Variants in ANKRD55 observed in about 807,000 individuals in gnomAD.
ANKRD55 encodes ankyrin repeat domain-containing protein 55.
A neutral mutation model predicts 60.6 loss-of-function variants in ANKRD55; 41 were observed. The ratio of observed to expected loss-of-function variants is 0.68; its 90% CI spans 0.53 to 0.88. The LOEUF is 0.88. Ranked by LOEUF, ANKRD55 falls within the 40% of genes least tolerant of loss-of-function variation. The pLI, the probability that ANKRD55 is intolerant of heterozygous loss-of-function variation, is 0.00. For missense variants in ANKRD55, 732 were observed against 767.6 expected (o/e 0.95, Z 0.55); for synonymous variants, 264 against 290.3 (o/e 0.91, Z 0.92).
In ANKRD55 at chr5:56,123,032, C is replaced by T. The variant is rs187016368; in HGVS notation, c.797+3890G>A. Among the ~76,000 whole-genome samples, 257 of 152,200 alleles carry T rather than the reference C, an allele frequency of 1.7e-3. 2 individuals are homozygous for T. The highest frequency in any genetic ancestry group is 4.6e-3 in the Admixed American group (71 of 15,296). On this transcript the variant is annotated intron_variant, in intron 8 of 11. Transcript: ENST00000341048. ...TCATCTGCCTCAGCCTCCCAAAGTGCTGGGATTACAGGTGTGAGCCTGGCC... is the reference window on the plus strand; with the variant it reads ...TCATCTGCCTCAGCCTCCCAAAGTGTTGGGATTACAGGTGTGAGCCTGGCC...
At chr5:56,172,839 CTTG>C (rs1758639977) in intron 4 of ANKRD55, among the ~76,000 whole-genome samples, 1 of 152,172 alleles carries the variant, frequency 6.6e-6, no homozygotes. Context: ...TTGGGTCCTT[CTTG>C]TTGTATCCAA....
intron 8 of ANKRD55, among the ~76,000 whole-genome samples, chr5:56,120,183 C>T (rs1298525288): frequency 6.6e-6 from 1 of 151,988 alleles, no homozygotes; most frequent in Non-Finnish European, 1.5e-5. Context: ...ATTACAGGCA[C>T]GGGCCACCAC....
At chr5:56,116,807 A>G (rs1233169162) in intron 8 of ANKRD55, 25 bp from the exon 9 acceptor site, 1 of 1,571,318 alleles carries the variant, frequency 6.4e-7, no homozygotes, top group Admixed American at 1.9e-5. Context: ...TGAAAAAAGC[A>G]CAAGCGTCTG....
At chr5:56,161,424 A>G (rs998774507) in intron 5 of ANKRD55, among the ~76,000 whole-genome samples, 2 of 152,238 alleles carry the variant, frequency 1.3e-5, no homozygotes, top group Non-Finnish European at 2.9e-5. Context: ...CTCTTCTCCA[A>G]TCAAATCTTT....
chr5:56,217,890 C>T lies in ANKRD55; in HGVS notation c.58+14966G>A, dbSNP rs376023562. Among the ~76,000 whole-genome samples, 138 of 146,696 alleles carry T rather than the reference C, an allele frequency of 9.4e-4. 3 individuals are homozygous for T. The Middle Eastern group carries it at 0.028, about 30-fold the overall frequency. On this transcript the variant is annotated intron_variant, in intron 2 of 11. Coordinates refer to ENST00000341048, the MANE Select transcript of ANKRD55 (RefSeq NM_024669.3). ...CAGCCTGGGTGACAGAGCGAGACTC[C>T]GTCTCAAAAAAAAAAAAAAAAAATT...
At chr5:56,164,794 G>C (rs1169463885) in intron 5 of ANKRD55, among the ~76,000 whole-genome samples, 1 of 152,170 alleles carries the variant, frequency 6.6e-6, no homozygotes. Flanking sequence ...AGAAGCAGAG[G>C]GTTCAAAGTA....
At chr5:56,212,147 T>G (rs1759691182) in intron 2 of ANKRD55, among the ~76,000 whole-genome samples, 1 of 151,874 alleles carries the variant, frequency 6.6e-6, no homozygotes. Context: ...CAAATTAAAT[T>G]CTACTGGATC....
chr5:56,112,511 A>AAAAAAC lies in ANKRD55; in HGVS notation c.966-730_966-729insGTTTTT, dbSNP rs1554036586. ...GCAGGATCTCATCTCTAGCAAAAAA[A>AAAAAAC]AAAAAAAAAAACAACCAAGGAAAGA... is the stretch of plus-strand genomic sequence containing the variant. On this transcript the variant is annotated intron_variant, in intron 9 of 11. Coordinates refer to ENST00000341048, the MANE Select transcript of ANKRD55 (RefSeq NM_024669.3). Among the ~76,000 whole-genome samples, 112 of 81,456 alleles carry AAAAAAC rather than the reference A, an allele frequency of 1.4e-3. 1 individual carries two copies. The highest frequency in any genetic ancestry group is 2.8e-3 in the African/African-American group (51 of 18,512). 53.4% of individuals were successfully genotyped at this position (81,456 alleles called of 152,430 possible). A position where few individuals can be genotyped will look rare whatever the true frequency, so the allele number is the denominator to read the frequency against.
chr5:56,145,827 A>C (rs1188615633), intron 6 of ANKRD55, among the ~76,000 whole-genome samples: 1 of 152,222 alleles, frequency 6.6e-6, no homozygotes, highest in East Asian at 1.9e-4. Flanking sequence ...GATACTCTTG[A>C]GGATATTTCA....
At chr5:56,202,433 T>C (rs1340168865) in intron 2 of ANKRD55, among the ~76,000 whole-genome samples, 6 of 152,234 alleles carry the variant, frequency 3.9e-5, no homozygotes, top group African/African-American at 1.4e-4. Context: ...TGCAGCAGGC[T>C]GTAGTAATTT....
chr5:56,133,168 C>T (rs1757470507), intron 7 of ANKRD55, among the ~76,000 whole-genome samples: 2 of 152,166 alleles, frequency 1.3e-5, no homozygotes, highest in African/African-American at 2.4e-5. Context: ...TGGCCGGGCA[C>T]GATGGCTCAT....
Position 56,116,077 on chromosome 5 carries a change from A to T in ANKRD55, c.965+538T>A, listed in dbSNP as rs545794536. Among the ~76,000 whole-genome samples, 103 of 151,882 alleles carry T rather than the reference A, an allele frequency of 6.8e-4. 3 individuals carry two copies. In the South Asian group the frequency reaches 0.019, roughly 28 times the overall value. ...ACCATGTTGGCCAGGCTGGTCTCGA[A>T]CTCCTGACCTCAGGTGATCCACCTG... On this transcript the variant is annotated intron_variant, in intron 9 of 11. Transcript: ENST00000341048.
rs1178435620 is a variant in ANKRD55, at chr5:56,134,268, C to T, written c.613-7162G>A. Among the ~76,000 whole-genome samples the T allele has an allele frequency of 1.7e-5, 2 of 115,332 alleles. 1 individual carries two copies. Among genetic ancestry groups the T allele is most frequent in the African/African-American group, 5.6e-5 (2 of 35,564 alleles). 75.7% of individuals were successfully genotyped at this position (115,332 alleles called of 152,430 possible). A position where few individuals can be genotyped will look rare whatever the true frequency, so the allele number is the denominator to read the frequency against. On this transcript the variant is annotated intron_variant, in intron 7 of 11. Coordinates refer to ENST00000341048, the MANE Select transcript of ANKRD55 (RefSeq NM_024669.3). ...CAAGGAGAAATAGATAATCTGAATA[C>T]GTTTATGTCTATTAAAGAAACTGAA...
intron 7 of ANKRD55, among the ~76,000 whole-genome samples, chr5:56,128,330 ACTCG>A (rs1757329169): frequency 6.6e-6 from 1 of 152,008 alleles, no homozygotes; most frequent in East Asian, 1.9e-4. Flanking sequence ...AAAACCCCAC[ACTCG>A]TACTCTCTTC....
At chr5:56,121,226 T>C (rs1166306886) in intron 8 of ANKRD55, among the ~76,000 whole-genome samples, 1 of 152,146 alleles carries the variant, frequency 6.6e-6, no homozygotes, top group African/African-American at 2.4e-5. Flanking sequence ...GGTGGGGGGC[T>C]TTAAAAGACG....
At chr5:56,162,167 T>TCTGCTC in intron 5 of ANKRD55, 1 of 323,344 alleles carries the variant, frequency 3.1e-6, no homozygotes, top group Non-Finnish European at 4.4e-6. Context: ...AGATTATCTG[T>TCTGCTC]AGCCAGACAG....
intron 7 of ANKRD55, among the ~76,000 whole-genome samples, chr5:56,138,629 G>A (rs192111088): frequency 4.4e-4 from 67 of 152,254 alleles, no homozygotes; most frequent in African/African-American, 1.5e-3. Context: ...GTAAACCTTG[G>A]TATATTCATG....
intron 7 of ANKRD55, among the ~76,000 whole-genome samples, chr5:56,139,451 A>G (rs2111750668): frequency 6.6e-6 from 1 of 152,260 alleles, no homozygotes; most frequent in Admixed American, 6.5e-5. Context: ...AGGGAGCTCA[A>G]CAAAGAAGGT....
chr5:56,103,892 T>C (rs6450368), intron 10 of ANKRD55, among the ~76,000 whole-genome samples: 1,945 of 152,286 alleles, frequency 0.013, 37 homozygotes, highest in African/African-American at 0.045. Context: ...TTTAAGTGAA[T>C]CTCATGGTGG....
Sources: allele counts gnomAD v4.1 joint callset (sites outside exome capture counted in the v4.1 genomes callset), GRCh38; gene constraint gnomAD v4.1.1; transcripts MANE v1.5; gene names NCBI Gene and HGNC (gene_info 2026-07-23, HGNC 2026-07-21).